Variants in EPAS1 observed in about 807,000 individuals in gnomAD.
The protein encoded by EPAS1 is endothelial PAS domain-containing protein 1.
In EPAS1, 23 loss-of-function variants were observed where a neutral mutation model predicts 87.9. The observed-to-expected ratio is 0.26, with a 90% confidence interval of 0.19 to 0.37. The LOEUF (loss-of-function observed/expected upper bound fraction) is 0.37. Among genes scored for constraint, EPAS1 ranks in the 10% least tolerant of loss-of-function variants. The probability of loss-of-function intolerance (pLI) is 1.00; values close to 1 mark genes in which losing one functional copy is unlikely to be tolerated. For missense variants in EPAS1, 1,138 were observed against 1,120.7 expected (o/e 1.02, Z -0.22); for synonymous variants, 508 against 444.3 (o/e 1.14, Z -1.80).
intron 1 of EPAS1, among the ~76,000 whole-genome samples, chr2:46,304,700 T>A (rs139817003): frequency 6.6e-6 from 1 of 152,202 alleles, no homozygotes; most frequent in Non-Finnish European, 1.5e-5. Flanking sequence ...CCTTCGCTGG[T>A]GGCAAGACTT....
chr2:46,365,781 G>A (rs1023090793), intron 6 of EPAS1, among the ~76,000 whole-genome samples: 1 of 152,162 alleles, frequency 6.6e-6, no homozygotes, highest in South Asian at 2.1e-4. Context: ...AGTGAACAGC[G>A]TACATATTAG....
rs115033940 is a variant in EPAS1, at chr2:46,377,872, T to C, written c.1250-22T>C. On this transcript the variant is annotated intron_variant, in intron 9 of 15. Transcript: ENST00000263734. ...AGCCCGATGGTTGTGGGTGTTCACCTCCCAGGCCCTTGTCTCCACAGGGAA... is the reference window on the plus strand; with the variant it reads ...AGCCCGATGGTTGTGGGTGTTCACCCCCCAGGCCCTTGTCTCCACAGGGAA... 1.1e-3 allele frequency: 1,689 copies of C among 1,551,774 alleles called. 13 individuals are homozygous for C. The African/African-American group carries it at 0.019, about 18-fold the overall frequency.
At position 46,380,010 on chromosome 2, in the gene EPAS1, T is replaced by TAA; in HGVS notation, c.1555-215_1555-214dup. On this transcript the variant is annotated intron_variant, in intron 11 of 15. Transcript: ENST00000263734. This position sits in a 1 kb window ranked among gnomAD's most constrained non-coding sequence, Gnocchi z 4.4. ...CTCAATGTGCAGGGTGAAGAGGGGA[T>TAA]AAACATGGGGGAAGGCTGGTACATG... 1 of 707,538 alleles carries TAA rather than the reference T, an allele frequency of 1.4e-6. No homozygotes were observed. The allele number at this position is 707,538 out of a possible 1,614,324, so 43.8% of individuals were successfully genotyped here.
In EPAS1 at chr2:46,338,713, G is replaced by A. The variant is rs973388885; in HGVS notation, c.27-8160G>A. 4.6e-5 allele frequency among the ~76,000 whole-genome samples: 7 copies of A among 152,210 alleles called. No homozygotes were observed. In the South Asian group the frequency reaches 8.3e-4, roughly 18 times the overall value. ...CTTCTCTTCAGATGCTTTGACCTGC[G>A]TATGCATGAGGAAGAGAAGCAGCCT... is the stretch of plus-strand genomic sequence containing the variant. On this transcript the variant is annotated intron_variant, in intron 1 of 15. Transcript: ENST00000263734.
At chr2:46,354,767 A>G (rs1380847939) in intron 2 of EPAS1, among the ~76,000 whole-genome samples, 1 of 152,002 alleles carries the variant, frequency 6.6e-6, no homozygotes, top group African/African-American at 2.4e-5. Flanking sequence ...TCCTCTGATC[A>G]CATTTGCTTG....
intron 1 of EPAS1, among the ~76,000 whole-genome samples, chr2:46,333,602 T>A (rs1572625603): frequency 6.6e-6 from 1 of 151,526 alleles, no homozygotes; most frequent in Non-Finnish European, 1.5e-5. Context: ...AGTTTGGGGG[T>A]GGCAGGGCAT....
intron 1 of EPAS1, among the ~76,000 whole-genome samples, chr2:46,310,691 C>T (rs1683192649): frequency 6.6e-6 from 1 of 152,256 alleles, no homozygotes; most frequent in Admixed American, 6.5e-5. Context: ...CATACCTGAA[C>T]ACTGTGGGCC....
At chr2:46,333,188 C>G (rs912845233) in intron 1 of EPAS1, among the ~76,000 whole-genome samples, 1 of 152,170 alleles carries the variant, frequency 6.6e-6, no homozygotes, top group Non-Finnish European at 1.5e-5. Context: ...AGCATTGGAA[C>G]TCTGCAATAC....
intron 2 of EPAS1, among the ~76,000 whole-genome samples, chr2:46,351,179 G>T (rs1245058634): frequency 6.6e-6 from 1 of 152,096 alleles, no homozygotes; most frequent in Non-Finnish European, 1.5e-5. Context: ...GATGTTAATG[G>T]GTGAGAACAG....
At chr2:46,351,937 G>A (rs1364437016) in intron 2 of EPAS1, among the ~76,000 whole-genome samples, 1 of 152,204 alleles carries the variant, frequency 6.6e-6, no homozygotes, top group African/African-American at 2.4e-5. Context: ...GCTGCCTGAA[G>A]GAAATGAGCG....
At chr2:46,331,716 C>T (rs1683677755) in intron 1 of EPAS1, among the ~76,000 whole-genome samples, 1 of 152,190 alleles carries the variant, frequency 6.6e-6, no homozygotes, top group African/African-American at 2.4e-5. Context: ...TTTCTTTCTA[C>T]CAACCGGCAC....
intron 1 of EPAS1, among the ~76,000 whole-genome samples, chr2:46,317,042 G>C (rs1683356746): frequency 6.6e-6 from 1 of 152,136 alleles, no homozygotes; most frequent in African/African-American, 2.4e-5. Context: ...TTTATCATGA[G>C]GTTGCAACAG....
chr2:46,301,511 AG>A (rs1285551348), intron 1 of EPAS1, among the ~76,000 whole-genome samples: 13 of 150,880 alleles, frequency 8.6e-5, no homozygotes, highest in African/African-American at 3.2e-4. Flanking sequence ...CGGGAGGTAG[AG>A]GCTGCAGTGA....
chr2:46,303,014 A>C (rs1273006306), intron 1 of EPAS1, among the ~76,000 whole-genome samples: 1 of 152,206 alleles, frequency 6.6e-6, no homozygotes, highest in Non-Finnish European at 1.5e-5. Context: ...CGGAGGTTGC[A>C]GTGAGCCGAG....
rs111830032 is a variant in EPAS1, at chr2:46,371,933, C to G, written c.886+2000C>G. On this transcript the variant is annotated intron_variant, in intron 7 of 15. Transcript: ENST00000263734. The surrounding 1 kb of genome is among the most constrained non-coding windows in gnomAD (Gnocchi z 4.3). ...ATGGGAAAGCAGAAGAAGCTACTGTCAAAGGAAAAAAAAATTGTGACTTCT... is the reference window on the plus strand; with the variant it reads ...ATGGGAAAGCAGAAGAAGCTACTGTGAAAGGAAAAAAAAATTGTGACTTCT... Among the ~76,000 whole-genome samples, 1,247 of 151,420 alleles carry G rather than the reference C, an allele frequency of 8.2e-3. 18 individuals carry two copies. The highest frequency in any genetic ancestry group is 0.029 in the African/African-American group (1,211 of 41,296).
intron 7 of EPAS1, among the ~76,000 whole-genome samples, chr2:46,373,165 G>A (rs1684663462): frequency 1.3e-5 from 2 of 152,166 alleles, no homozygotes; most frequent in Admixed American, 1.3e-4. Context: ...TATCCTCCCT[G>A]TGGCACAGGG....
intron 1 of EPAS1, among the ~76,000 whole-genome samples, chr2:46,305,354 C>A (rs923004667): frequency 6.6e-6 from 1 of 152,116 alleles, no homozygotes. Flanking sequence ...TGCTTGACTG[C>A]CTTAGGCTGT....
chr2:46,381,250 C>A (rs773594673), intron 12 of EPAS1: 2 of 385,204 alleles, frequency 5.2e-6, no homozygotes, highest in Non-Finnish European at 9.9e-6. Context: ...TCCCAGGGGC[C>A]GCTGGTACTT....
chr2:46,299,460 GC>G (rs948116949), intron 1 of EPAS1, among the ~76,000 whole-genome samples: 2 of 152,224 alleles, frequency 1.3e-5, no homozygotes, highest in African/African-American at 4.8e-5. Context: ...TCTTTTGAAG[GC>G]AGCAGAGCAA....
Sources: allele counts gnomAD v4.1 joint callset (sites outside exome capture counted in the v4.1 genomes callset), GRCh38; gene constraint gnomAD v4.1.1; non-coding constraint Gnocchi (gnomAD v3.1); transcripts MANE v1.5; gene names NCBI Gene and HGNC (gene_info 2026-07-23, HGNC 2026-07-21).